Variants in CDK5RAP2 observed in about 807,000 individuals in gnomAD.
The protein encoded by CDK5RAP2 is CDK5 regulatory subunit-associated protein 2.
A neutral mutation model predicts 232.9 loss-of-function variants in CDK5RAP2; 147 were observed. That is an observed-to-expected ratio of 0.63 (90% CI 0.55 to 0.72). The LOEUF (loss-of-function observed/expected upper bound fraction) is 0.72. Ranked by LOEUF, CDK5RAP2 falls within the 30% of genes least tolerant of loss-of-function variation. The pLI is 0.00. For synonymous variants in CDK5RAP2, 833 were observed against 833.7 expected (o/e 1.00, Z 0.01); for missense variants, 2,195 against 2,231.5 (o/e 0.98, Z 0.33).
At position 120,458,595 on chromosome 9, in the gene CDK5RAP2, A is replaced by C. The variant is rs766094537; in HGVS notation, c.2230T>G (p.Cys744Gly). Residue 744 changes from cysteine to glycine, a missense_variant, in exon 20 of 38, where the codon TGC becomes GGC. Transcript: ENST00000349780. ...GTGTGCCTTAAGTATCCATTTTTGCAGCCTCCTTTGGAAAGGTCTTTCATA... is the reference window on the plus strand; with the variant it reads ...GTGTGCCTTAAGTATCCATTTTTGCCGCCTCCTTTGGAAAGGTCTTTCATA... ...EIMKDLSKGG[C>G]KNGYLRHTES... is the part of the protein sequence containing the mutation. 1 of 1,614,178 alleles carries C rather than the reference A, an allele frequency of 6.2e-7. No homozygotes were observed. The highest frequency in any genetic ancestry group is 8.5e-7 in the Non-Finnish European group (1 of 1,180,000).
rs2038070448 is a variant in CDK5RAP2, at chr9:120,477,347, T to C, written c.1727+3A>G. 6.2e-7 allele frequency: 1 copy of C among 1,609,906 alleles called. No homozygotes were observed. Among genetic ancestry groups the C allele is most frequent in the Non-Finnish European group, 8.5e-7 (1 of 1,176,712 alleles). The stretch of plus-strand genomic sequence containing the variant: ...TGTGTGATGTCCAGACAGAAACGCT[T>C]ACCTGTCTGATTCCTGCAGAGATTT... On this transcript the variant is annotated splice_donor_region_variant and intron_variant, in intron 15 of 37. Coordinates refer to ENST00000349780, the MANE Select transcript of CDK5RAP2 (RefSeq NM_018249.6).
In CDK5RAP2 at chr9:120,437,462, C is replaced by T. The variant is rs1483844280; in HGVS notation, c.3788G>A (p.Gly1263Asp). Residue 1263 changes from glycine (G) to aspartate (D), a missense_variant, in exon 25 of 38, where the codon GGC becomes GAC. Gly to Asp is a moderately conservative substitution (Grantham distance 94). Coordinates refer to ENST00000349780, the MANE Select transcript of CDK5RAP2 (RefSeq NM_018249.6). ...ACGGGAGATGACACAGATGCCATGGCCATCCTTAATCTGCTGCCGTTGAAG... is the reference window on the plus strand; with the variant it reads ...ACGGGAGATGACACAGATGCCATGGTCATCCTTAATCTGCTGCCGTTGAAG... ...LSLQRQQIKD[G>D]HGICVISRQH... is the part of the protein sequence containing the mutation. The T allele has an allele frequency of 6.2e-7, 1 of 1,613,996 alleles. No individual in the cohort carries two copies. The highest frequency in any genetic ancestry group is 1.7e-5 in the Admixed American group (1 of 60,000).
intron 34 of CDK5RAP2, among the ~76,000 whole-genome samples, chr9:120,401,435 AC>A (rs1176875776): frequency 1.3e-5 from 2 of 151,856 alleles, no homozygotes; most frequent in East Asian, 3.9e-4. Context: ...ACATAGTGAG[AC>A]CCCCATCTCT....
intron 12 of CDK5RAP2, among the ~76,000 whole-genome samples, chr9:120,504,964 A>G (rs765993931): frequency 1.3e-5 from 2 of 152,064 alleles, no homozygotes; most frequent in Non-Finnish European, 2.9e-5. Context: ...ATACCACCCA[A>G]CATTTTCTTC....
intron 11 of CDK5RAP2, among the ~76,000 whole-genome samples, chr9:120,520,629 C>A (rs1325182435): frequency 1.3e-5 from 2 of 152,062 alleles, no homozygotes; most frequent in African/African-American, 4.8e-5. Flanking sequence ...GACGACAGAG[C>A]AAGACTCTGT....
intron 21 of CDK5RAP2, among the ~76,000 whole-genome samples, chr9:120,450,333 G>C (rs563539202): frequency 2.0e-5 from 3 of 152,186 alleles, no homozygotes; most frequent in Admixed American, 6.5e-5. Flanking sequence ...AAGTAGATTC[G>C]TGGTTGCCTA....
At chr9:120,570,890 A>G (rs2042829898) in intron 2 of CDK5RAP2, among the ~76,000 whole-genome samples, 1 of 152,174 alleles carries the variant, frequency 6.6e-6, no homozygotes, top group Admixed American at 6.5e-5. Context: ...CAATGAGTGC[A>G]GTGGCTCATG....
intron 11 of CDK5RAP2, among the ~76,000 whole-genome samples, chr9:120,523,289 C>T (rs1002612158): frequency 7.2e-5 from 11 of 152,128 alleles, no homozygotes; most frequent in African/African-American, 1.4e-4. Context: ...CCTTTAAGAC[C>T]CGTCATAACA....
intron 25 of CDK5RAP2, among the ~76,000 whole-genome samples, chr9:120,426,901 T>C (rs1012873900): frequency 6.6e-6 from 1 of 152,226 alleles, no homozygotes; most frequent in African/African-American, 2.4e-5. Flanking sequence ...GTGTTAATAC[T>C]GGTCAGCTGT....
intron 8 of CDK5RAP2, 98 bp downstream of exon 8, chr9:120,529,880 G>T: frequency 3.5e-6 from 4 of 1,150,682 alleles, no homozygotes; most frequent in Non-Finnish European, 5.2e-6. Context: ...TTAGAAGCAG[G>T]CTGTGTGTGA....
At position 120,420,062 on chromosome 9, in the gene CDK5RAP2, C is replaced by T. The variant is rs1308925999; in HGVS notation, c.4005-102G>A. On this transcript the variant is annotated intron_variant, in intron 26 of 37. Coordinates refer to ENST00000349780, the MANE Select transcript of CDK5RAP2 (RefSeq NM_018249.6). ...ACGATTACTTTACTCTTAGTAACTC[C>T]CCAATGTTTGCAACTTCAGTCAGAC... 4 of 935,970 alleles carry T rather than the reference C, an allele frequency of 4.3e-6. No individual in the cohort carries two copies. The East Asian group carries it at 9.8e-5, about 23-fold the overall frequency. 58.0% of individuals were successfully genotyped at this position (935,970 alleles called of 1,614,324 possible). A position where few individuals can be genotyped will look rare whatever the true frequency, so the allele number is the denominator to read the frequency against.
chr9:120,556,518 T>A (rs1446195036), intron 3 of CDK5RAP2, among the ~76,000 whole-genome samples: 3 of 151,538 alleles, frequency 2.0e-5, no homozygotes, highest in Non-Finnish European at 2.9e-5. Flanking sequence ...AACCTCCGCC[T>A]CCCGGGTTCA....
intron 13 of CDK5RAP2, among the ~76,000 whole-genome samples, chr9:120,487,967 T>C (rs1209551030): frequency 6.6e-6 from 1 of 152,212 alleles, no homozygotes; most frequent in East Asian, 1.9e-4. Flanking sequence ...CTGCAAATAC[T>C]GCTTTAGGGT....
chr9:120,439,395 G>A lies in CDK5RAP2; in HGVS notation c.3722+4C>T, dbSNP rs1017207467. ...AACGGGGAGACGGCAGAGGTGGAAC[G>A]TACCTGGGAGGTGAGAGATCTCTGA... On this transcript the variant is annotated splice_donor_region_variant and intron_variant, in intron 24 of 37. Coordinates refer to ENST00000349780, the MANE Select transcript of CDK5RAP2 (RefSeq NM_018249.6). 5.6e-6 allele frequency: 9 copies of A among 1,612,276 alleles called. No individual in the cohort carries two copies. The highest frequency in any genetic ancestry group is 1.6e-4 in the Middle Eastern group (1 of 6,072).
At chr9:120,549,155 CAAAAA>C (rs35413563) in intron 4 of CDK5RAP2, among the ~76,000 whole-genome samples, 2 of 134,048 alleles carry the variant, frequency 1.5e-5, no homozygotes, top group South Asian at 2.3e-4. Context: ...GACTCTGTCT[CAAAAA>C]AAAAAAAAAA....
chr9:120,489,017 G>C (rs1426048178), intron 13 of CDK5RAP2, among the ~76,000 whole-genome samples: 1 of 152,194 alleles, frequency 6.6e-6, no homozygotes, highest in Non-Finnish European at 1.5e-5. Flanking sequence ...TCCTACGAGA[G>C]CTTCCAGCAA....
intron 12 of CDK5RAP2, among the ~76,000 whole-genome samples, chr9:120,514,919 CA>C (rs748357341): frequency 2.0e-5 from 3 of 152,058 alleles, no homozygotes; most frequent in Non-Finnish European, 4.4e-5. Context: ...ATGAAACCAA[CA>C]AATAATGTCT....
At chr9:120,407,304 A>G (rs2033522495) in intron 31 of CDK5RAP2, 56 bp from the exon 32 acceptor site, 2 of 1,360,712 alleles carry the variant, frequency 1.5e-6, no homozygotes. Flanking sequence ...AGGGTCAGCC[A>G]TCGAAGGAAC....
chr9:120,455,987 A>C (rs1471038216), intron 20 of CDK5RAP2, among the ~76,000 whole-genome samples: 3 of 152,250 alleles, frequency 2.0e-5, no homozygotes, highest in Non-Finnish European at 4.4e-5. Context: ...CAACAACTTA[A>C]CAAATGAGAG....
Sources: gnomAD v4.1 joint callset for allele counts (sites outside exome capture counted in the v4.1 genomes callset) on GRCh38, gnomAD v4.1.1 for gene constraint, MANE v1.5 for transcripts, NCBI Gene and HGNC (gene_info 2026-07-23, HGNC 2026-07-21) for gene names.